Variants in RYR1 observed in about 807,000 individuals in gnomAD.
The protein encoded by RYR1 is ryanodine receptor 1.
A neutral mutation model predicts 583.5 loss-of-function variants in RYR1; 342 were observed. The observed-to-expected ratio is 0.59, with a 90% CI of 0.54 to 0.64. RYR1 has a LOEUF of 0.64. RYR1 is among the 30% of genes least tolerant of loss of function. RYR1 has a pLI of 0.00. For missense variants in RYR1, 6,032 were observed against 6,917.2 expected, an observed-to-expected ratio of 0.87 and a Z score of 4.54; for synonymous variants, 2,791 against 2,822.5, an observed-to-expected ratio of 0.99 and a Z score of 0.35.
chr19:38,451,981 C>T (rs765726141), intron 12 of RYR1, 96 bp downstream of exon 12: 4 of 1,548,750 alleles, frequency 2.6e-6, no homozygotes, highest in Non-Finnish European at 3.6e-6. Context: ...CCTCTGTTGC[C>T]CACACCCTTG....
At chr19:38,559,229 T>C (rs1360986697) in intron 89 of RYR1, among the ~76,000 whole-genome samples, 1 of 88,524 alleles carries the variant, frequency 1.1e-5, no homozygotes, top group Non-Finnish European at 2.1e-5. Flanking sequence ...GGTGGGCTTC[T>C]TTTTTTTTTT....
intron 101 of RYR1, among the ~76,000 whole-genome samples, chr19:38,583,892 C>T (rs1974327688): frequency 6.6e-6 from 1 of 152,058 alleles, no homozygotes; most frequent in Admixed American, 6.6e-5. Flanking sequence ...ATGCCCAGGC[C>T]CTGCCTCATC....
chr19:38,528,288 C>G lies in RYR1; in HGVS notation c.10825-18C>G. On this transcript the variant is annotated intron_variant, in intron 73 of 105. Transcript: ENST00000359596. ...GGCAGGGTCTGGGGATGTGACTGTC[C>G]TGCTATCCCCTCCCCAGACCGAGCA... 1.9e-6 allele frequency: 3 copies of G among 1,604,782 alleles called. No homozygotes were observed. Among genetic ancestry groups the G allele is most frequent in the Non-Finnish European group, 2.6e-6 (3 of 1,171,776 alleles).
At chr19:38,516,713 G>GTTCA (rs888661435) in intron 65 of RYR1, among the ~76,000 whole-genome samples, 1 of 152,098 alleles carries the variant, frequency 6.6e-6, no homozygotes, top group African/African-American at 2.4e-5. Flanking sequence ...GGAAGGCAGG[G>GTTCA]TTCATTCATT....
At position 38,496,852 on chromosome 19, in the gene RYR1, C is replaced by T; in HGVS notation, c.6797-8C>T. On this transcript the variant is annotated splice_polypyrimidine_tract_variant and splice_region_variant and intron_variant, in intron 41 of 105. Coordinates refer to ENST00000359596, the MANE Select transcript of RYR1 (RefSeq NM_000540.3). The surrounding 1 kb of genome is among the most constrained non-coding windows in gnomAD (Gnocchi z 4.8). ...GTGAGATGTTCTCCCCACCTCTCGC[C>T]CCTGCAGGCATGCAGGGCTCCACGC... 6.2e-7 allele frequency: 1 copy of T among 1,611,672 alleles called. No individual in the cohort carries two copies. Among genetic ancestry groups the T allele is most frequent in the Non-Finnish European group, 8.5e-7 (1 of 1,178,408 alleles).
rs1346649518 is a variant in RYR1 at position 38,442,406 on chromosome 19, C to T, written c.223C>T (p.Arg75Ter). ...CGTCCTGGAGCAGTCCCTGTCTGTGCGAGCCCTGCAGGAGATGCTGGCTAA... is the reference window on the plus strand; with the variant it reads ...CGTCCTGGAGCAGTCCCTGTCTGTGTGAGCCCTGCAGGAGATGCTGGCTAA... Reference protein sequence around the residue: ...CFVLEQSLSVRALQEMLANTV... With the variant: ...CFVLEQSLSV The change falls in exon 3 of 106, where the codon CGA (arginine) becomes TGA (stop). Residue 75 changes from arginine (R) to a stop codon, truncating the protein, a stop_gained. Transcript: ENST00000359596. LOFTEE classifies it high-confidence loss of function. 3.1e-6 allele frequency: 5 copies of T among 1,613,364 alleles called. No homozygotes were observed. The highest frequency in any genetic ancestry group is 3.3e-5 in the Admixed American group (2 of 59,962).
At position 38,546,536 on chromosome 19, in the gene RYR1, C is replaced by A. The variant is rs776241112; in HGVS notation, c.12094+10C>A. 8.1e-6 allele frequency: 13 copies of A among 1,609,888 alleles called. No homozygotes were observed. The South Asian group carries it at 1.4e-4, about 18-fold the overall frequency. ...CTGTCGCTACTAGAAGGTAAACACC[C>A]AGGAGTGAGGGTGAGGGAACAGTAA... On this transcript the variant is annotated intron_variant, in intron 88 of 105. Transcript: ENST00000359596.
intron 87 of RYR1, among the ~76,000 whole-genome samples, chr19:38,544,989 GA>G (rs889498491): frequency 6.6e-6 from 1 of 151,668 alleles, no homozygotes; most frequent in Admixed American, 6.6e-5. Context: ...CCCTGGGCTG[GA>G]AAAAATGGTG....
chr19:38,460,650 G>A lies in RYR1; in HGVS notation c.2577+59G>A, dbSNP rs1021263928. On this transcript the variant is annotated intron_variant, in intron 20 of 105. Coordinates refer to ENST00000359596, the MANE Select transcript of RYR1 (RefSeq NM_000540.3). Reference sequence around the variant, plus strand: ...GCAGGGTCTCTTAGGAGTCAGAGAGGGGGCAGGGTGCCATCGTTCATGCCT... The same window carrying A: ...GCAGGGTCTCTTAGGAGTCAGAGAGAGGGCAGGGTGCCATCGTTCATGCCT... 14 of 1,484,294 alleles carry A rather than the reference G, an allele frequency of 9.4e-6. No homozygotes were observed. In the South Asian group the frequency reaches 1.0e-4, roughly 11 times the overall value. 91.9% of individuals were successfully genotyped at this position (1,484,294 alleles called of 1,614,324 possible). A position where few individuals can be genotyped will look rare whatever the true frequency, so the allele number is the denominator to read the frequency against.
intron 78 of RYR1, among the ~76,000 whole-genome samples, chr19:38,533,569 A>G (rs1229318417): frequency 1.3e-5 from 2 of 152,178 alleles, no homozygotes; most frequent in Non-Finnish European, 2.9e-5. Flanking sequence ...AGGCGGGTGG[A>G]TCACCTGAGG....
chr19:38,540,267 C>G (rs138666141), intron 84 of RYR1, among the ~76,000 whole-genome samples: 3,420 of 150,266 alleles, frequency 0.023, 92 homozygotes, highest in Admixed American at 0.073. Flanking sequence ...TTGAGCCCAG[C>G]AGTTCAAGAC....
intron 30 of RYR1, 116 bp downstream of exon 30, chr19:38,477,986 G>T (rs529470866): frequency 4.6e-6 from 5 of 1,084,798 alleles, no homozygotes; most frequent in Non-Finnish European, 6.8e-6. Context: ...TTTCTGGAGC[G>T]GGAGGATTCT....
chr19:38,564,995 G>A lies in RYR1; in HGVS notation c.12661G>A (p.Val4221Met), dbSNP rs549127909. 6.3e-7 allele frequency: 1 copy of A among 1,592,614 alleles called. No homozygotes were observed. Among genetic ancestry groups the A allele is most frequent in the Non-Finnish European group, 8.5e-7 (1 of 1,170,336 alleles). Reference protein sequence around the residue: ...ESKRQFIFDVVNEGGEAEKME... With the variant: ...ESKRQFIFDVMNEGGEAEKME... ...CAAGCGCCAGTTCATCTTCGACGTG[G>A]TGAACGAGGGCGGCGAGGCTGAGAA... is the stretch of plus-strand genomic sequence containing the variant. The change falls in exon 91 of 106, where the codon GTG (valine) becomes ATG (methionine). Residue 4221 changes from valine to methionine, a missense_variant. Val to Met is a conservative substitution (Grantham distance 21). Around this residue, in one of 11 missense-constraint regions of RYR1, gnomAD observed 753 missense variants for 759.6 expected, o/e 0.99. Transcript: ENST00000359596.
At chr19:38,560,644 A>C (rs1344822589) in intron 89 of RYR1, among the ~76,000 whole-genome samples, 1 of 144,672 alleles carries the variant, frequency 6.9e-6, no homozygotes, top group Non-Finnish European at 1.5e-5. Context: ...CAGGAGAATC[A>C]CTTGACCCTG....
intron 104 of RYR1, 83 bp from the exon 105 acceptor site, chr19:38,586,442 A>G (rs896428744): frequency 2.3e-5 from 33 of 1,430,052 alleles, no homozygotes; most frequent in Non-Finnish European, 3.2e-5. Context: ...GCAACATAGC[A>G]AGACTTCCTC....
At chr19:38,507,936 T>G (rs1970554024) in intron 58 of RYR1, 109 bp downstream of exon 58, 2 of 673,786 alleles carry the variant, frequency 3.0e-6, no homozygotes, top group Non-Finnish European at 5.3e-6. Context: ...CCTCCCCTTA[T>G]CTGATGTTTA....
rs1430687491 is a variant in RYR1 at position 38,443,545 on chromosome 19, C to T, written c.271-13C>T. On this transcript the variant is annotated splice_polypyrimidine_tract_variant and intron_variant, in intron 3 of 105. Coordinates refer to ENST00000359596, the MANE Select transcript of RYR1 (RefSeq NM_000540.3). ...GGATCTGTGCTTATTCTGTTCCCTC[C>T]CTCCCCCTGCAGTCATCCCAGGGCG... 1.2e-5 allele frequency: 19 copies of T among 1,612,492 alleles called. No individual in the cohort carries two copies. Among genetic ancestry groups the T allele is most frequent in the Non-Finnish European group, 1.6e-5 (19 of 1,179,036 alleles).
At position 38,568,069 on chromosome 19, in the gene RYR1, G is replaced by A. The variant is rs1401277920; in HGVS notation, c.13659+152G>A. 7.9e-6 allele frequency: 7 copies of A among 886,992 alleles called. No homozygotes were observed. In the African/African-American group the frequency reaches 1.2e-4, roughly 15 times the overall value. The allele number at this position is 886,992 out of a possible 1,614,324, so 54.9% of individuals were successfully genotyped here. Reference sequence around the variant, plus strand: ...TGGGGAAAGGGCAGAGGTATCCCCAGACCTGCGGACAGGGTAGCATTTTCA... The same window carrying A: ...TGGGGAAAGGGCAGAGGTATCCCCAAACCTGCGGACAGGGTAGCATTTTCA... On this transcript the variant is annotated intron_variant, in intron 93 of 105. Transcript: ENST00000359596.
At chr19:38,546,581 A>T (rs904884847) in intron 88 of RYR1, 55 bp downstream of exon 88, 10 of 1,446,420 alleles carry the variant, frequency 6.9e-6, no homozygotes, top group Non-Finnish European at 8.7e-6. Context: ...GAGAAGCCTG[A>T]GAATGGCCCC....
Sources: allele counts gnomAD v4.1 joint callset (sites outside exome capture counted in the v4.1 genomes callset), GRCh38; gene constraint gnomAD v4.1.1; regional missense constraint gnomAD v4.1.1; non-coding constraint Gnocchi (gnomAD v3.1); transcripts MANE v1.5; gene names NCBI Gene and HGNC (gene_info 2026-07-23, HGNC 2026-07-21).